Variants in SIN3B observed in about 807,000 individuals in gnomAD.
SIN3B encodes the protein paired amphipathic helix protein Sin3b.
In SIN3B, 19 loss-of-function variants were observed where a neutral mutation model predicts 120.2. The observed-to-expected ratio is 0.16, with a 90% CI of 0.11 to 0.23. The LOEUF is 0.23. Ranked by LOEUF, SIN3B falls within the 10% of genes least tolerant of loss-of-function variation. The pLI is 1.00. For synonymous variants in SIN3B, 654 were observed against 653.2 expected (o/e 1.00, Z -0.02); for missense variants, 1,073 against 1,573.0 (o/e 0.68, Z 5.38).
Position 16,829,559 on chromosome 19 carries a change from C to G in SIN3B, c.120+19C>G. The G allele has an allele frequency of 8.1e-7, 1 of 1,241,220 alleles. No individual in the cohort carries two copies. The highest frequency in any genetic ancestry group is 1.6e-5 in the African/African-American group (1 of 64,514). 76.9% of individuals were successfully genotyped at this position (1,241,220 alleles called of 1,614,324 possible). A position where few individuals can be genotyped will look rare whatever the true frequency, so the allele number is the denominator to read the frequency against. ...GGTGCACGTGAGTGGCGTCCCCGCC[C>G]TCCCTCGGGGAACCCATCTTCTGGA... On this transcript the variant is annotated intron_variant, in intron 1 of 18. Coordinates refer to ENST00000248054, the MANE Select transcript of SIN3B (RefSeq NM_001297595.2).
intron 7 of SIN3B, among the ~76,000 whole-genome samples, chr19:16,853,880 C>G (rs1169346946): frequency 6.6e-6 from 1 of 151,320 alleles, no homozygotes; most frequent in African/African-American, 2.4e-5. Flanking sequence ...TGAATTGCTG[C>G]ATGGATCACG....
intron 16 of SIN3B, 105 bp from the exon 17 acceptor site, chr19:16,877,440 G>C: frequency 3.8e-6 from 3 of 782,456 alleles, no homozygotes; most frequent in South Asian, 1.6e-5. Context: ...CTCTGGCAGT[G>C]GGGGGCACAG....
chr19:16,869,502 G>A lies in SIN3B; in HGVS notation c.1849G>A (p.Glu617Lys). Residue 617 changes from glutamate (E) to lysine (K), a missense_variant, in exon 13 of 19, where the codon GAG becomes AAG. Around this residue, in one of 7 missense-constraint regions of SIN3B, gnomAD observed 169 missense variants for 207.3 expected, o/e 0.82. Transcript: ENST00000248054. The stretch of plus-strand genomic sequence containing the variant: ...GGAGGGCCGCAGTGCCCCCTCTAGC[G>A]AGCCGCACCTCATCTTTGTGTACGA... ...HSEGRSAPSS[E>K]PHLIFVYEDR... 8 of 1,613,232 alleles carry A rather than the reference G, an allele frequency of 5.0e-6. No individual in the cohort carries two copies. The highest frequency in any genetic ancestry group is 2.2e-5 in the East Asian group (1 of 44,862).
chr19:16,863,629 C>T, intron 9 of SIN3B, 51 bp from the exon 10 acceptor site: 1 of 1,184,280 alleles, frequency 8.4e-7, no homozygotes, highest in Non-Finnish European at 1.3e-6. Flanking sequence ...AACAGTAAAT[C>T]TTGGCTCCTG....
At chr19:16,868,346 G>A (rs1971807243) in intron 12 of SIN3B, among the ~76,000 whole-genome samples, 1 of 152,132 alleles carries the variant, frequency 6.6e-6, no homozygotes, top group Non-Finnish European at 1.5e-5. Flanking sequence ...TAGGAGACCC[G>A]GTCCTTCCCT....
intron 3 of SIN3B, among the ~76,000 whole-genome samples, chr19:16,836,913 G>A (rs1310085677): frequency 1.3e-5 from 2 of 152,204 alleles, no homozygotes; most frequent in African/African-American, 4.8e-5. Context: ...GGCTCATGGA[G>A]CAGGCGGTGA....
chr19:16,848,970 A>C (rs1568416485), intron 5 of SIN3B, among the ~76,000 whole-genome samples: 1 of 152,220 alleles, frequency 6.6e-6, no homozygotes, highest in Non-Finnish European at 1.5e-5. Flanking sequence ...TATGCAGGGC[A>C]CCCGGCTAGC....
intron 8 of SIN3B, among the ~76,000 whole-genome samples, chr19:16,858,874 C>G (rs1971650527): frequency 6.6e-6 from 1 of 152,132 alleles, no homozygotes. Flanking sequence ...TGATTGAACC[C>G]AGGAAGCAGA....
intron 8 of SIN3B, among the ~76,000 whole-genome samples, chr19:16,859,790 C>T (rs906164553): frequency 2.0e-5 from 3 of 152,170 alleles, no homozygotes; most frequent in Non-Finnish European, 2.9e-5. Context: ...GAATCCAGCA[C>T]TCTCTGAGCC....
At position 16,838,970 on chromosome 19, in the gene SIN3B, CTTTT is replaced by C. The variant is rs34648986; in HGVS notation, c.382-2781_382-2778del. ...TACAGGTTCCAGCCACCGCGCCTGG[CTTTT>C]TTTTTTTTTTTTTTTTGAGATGGGG... On this transcript the variant is annotated intron_variant, in intron 3 of 18. Transcript: ENST00000248054. 2.1e-4 allele frequency among the ~76,000 whole-genome samples: 18 copies of C among 86,590 alleles called. No homozygotes were observed. The East Asian group carries it at 4.2e-3, about 20-fold the overall frequency. 56.8% of individuals were successfully genotyped at this position (86,590 alleles called of 152,430 possible). A position where few individuals can be genotyped will look rare whatever the true frequency, so the allele number is the denominator to read the frequency against.
chr19:16,871,313 A>T lies in SIN3B; in HGVS notation c.2507A>T (p.Tyr836Phe), dbSNP rs1256177669. 6 of 1,614,140 alleles carry T rather than the reference A, an allele frequency of 3.7e-6. No homozygotes were observed. Among genetic ancestry groups the T allele is most frequent in the Non-Finnish European group, 5.1e-6 (6 of 1,179,996 alleles). The change falls in exon 14 of 19, where the codon TAC becomes TTC. Residue 836 changes from tyrosine (Y) to phenylalanine (F), a missense_variant. Transcript: ENST00000248054. Reference sequence around the variant, plus strand: ...GAGGGCAGCATCGACCCCACGCAGTACGAGGACACCCTACGCGAGATGTTC... The same window carrying T: ...GAGGGCAGCATCGACCCCACGCAGTTCGAGGACACCCTACGCGAGATGTTC... ...LLEGSIDPTQ[Y>F]EDTLREMFTI...
At position 16,841,935 on chromosome 19, in the gene SIN3B, C is replaced by T. The variant is rs765414226; in HGVS notation, c.549C>T (p.Tyr183=). The change falls in exon 4 of 19, where the codon TAC becomes TAT. Residue 183 remains tyrosine (Y), a synonymous_variant. Transcript: ENST00000248054. The part of the protein sequence containing the change: ...KTRFLDHPEI[Y]RSFLEILHTY... ...GCTTCCTAGACCACCCAGAAATCTA[C>T]AGGTCATTCCTGGAGATCCTGCACA... is the stretch of plus-strand genomic sequence containing the variant. 5 of 1,613,952 alleles carry T rather than the reference C, an allele frequency of 3.1e-6. No individual in the cohort carries two copies. In the African/African-American group the frequency reaches 5.3e-5, roughly 17 times the overall value.
In SIN3B at chr19:16,878,196, T is replaced by C; in HGVS notation, c.2968T>C (p.Phe990Leu). Reference sequence around the variant, plus strand: ...TTTCGCCCCCAGGAACCTCAAGAAGTTCCGCCGCCGGTGGCAGAGCGAGCA... The same window carrying C: ...TTTCGCCCCCAGGAACCTCAAGAAGCTCCGCCGCCGGTGGCAGAGCGAGCA... The part of the protein sequence containing the change: ...PVFLQRNLKK[F>L]RRRWQSEQAR... Residue 990 changes from phenylalanine to leucine, a missense_variant, in exon 18 of 19, where the codon TTC becomes CTC. By Grantham distance (22) the Phe-to-Leu change is conservative. Transcript: ENST00000248054. 5 of 1,575,138 alleles carry C rather than the reference T, an allele frequency of 3.2e-6. No individual in the cohort carries two copies. The highest frequency in any genetic ancestry group is 4.3e-6 in the Non-Finnish European group (5 of 1,158,194).
intron 3 of SIN3B, among the ~76,000 whole-genome samples, chr19:16,836,587 G>A (rs535474393): frequency 2.0e-5 from 3 of 152,348 alleles, no homozygotes; most frequent in African/African-American, 4.8e-5. Context: ...GAGTCCTTAA[G>A]ATGAGGTGGG....
chr19:16,856,417 G>A (rs1342609631), intron 8 of SIN3B, among the ~76,000 whole-genome samples: 1 of 152,122 alleles, frequency 6.6e-6, no homozygotes, highest in East Asian at 1.9e-4. Flanking sequence ...GGGTTCCTGA[G>A]AGCTGCAGGT....
rs779393264 is a variant in SIN3B at position 16,876,152 on chromosome 19, G to A, written c.2690G>A (p.Arg897His). The A allele has an allele frequency of 1.2e-5, 19 of 1,612,302 alleles. No individual in the cohort carries two copies. Among genetic ancestry groups the A allele is most frequent in the East Asian group, 4.5e-5 (2 of 44,856 alleles). Reference sequence around the variant, plus strand: ...GCCGCTGGTGGGAACCTGTCCTCCCGCTGCGTCCGCGCTGCTAGGGAGACC... The same window carrying A: ...GCCGCTGGTGGGAACCTGTCCTCCCACTGCGTCCGCGCTGCTAGGGAGACC... ...RGAAGGNLSS[R>H]CVRAARETSY... is the part of the protein sequence containing the mutation. Residue 897 changes from arginine (R) to histidine (H), a missense_variant, in exon 15 of 19, where the codon CGC becomes CAC. Physicochemically the swap from Arg to His is conservative, Grantham distance 29 (BLOSUM62 0). Transcript: ENST00000248054. This position sits in a 1 kb window ranked among gnomAD's most constrained non-coding sequence, Gnocchi z 7.1.
chr19:16,875,826 T>G (rs1192926580), intron 14 of SIN3B: 20 of 557,676 alleles, frequency 3.6e-5, no homozygotes, highest in Non-Finnish European at 6.3e-5. Context: ...GTCTGGTCTG[T>G]TTGGTTTGGT....
Position 16,869,782 on chromosome 19 carries a change from C to A in SIN3B, c.2129C>A (p.Pro710Gln), listed in dbSNP as rs1259930531. The A allele has an allele frequency of 4.3e-6, 7 of 1,613,504 alleles. No homozygotes were observed. In the Admixed American group the frequency reaches 1.2e-4, roughly 27 times the overall value. ...GCGCCAGGACCCCACAGTAGCCCCC[C>A]AGAGGAGAAGGGGGCCTTCGGGGAT... Reference protein sequence around the residue: ...KPAPGPHSSPPEEKGAFGDAP... With the variant: ...KPAPGPHSSPQEEKGAFGDAP... Residue 710 changes from proline to glutamine, a missense_variant, in exon 13 of 19, where the codon CCA (proline) becomes CAA (glutamine). This residue lies in a region of SIN3B where 169 missense variants were observed against 207.3 expected (regional missense o/e 0.82). Transcript: ENST00000248054.
chr19:16,870,082 C>T lies in SIN3B; in HGVS notation c.2422+7C>T, dbSNP rs749970102. The T allele has an allele frequency of 7.0e-6, 11 of 1,579,372 alleles. No homozygotes were observed. Among genetic ancestry groups the T allele is most frequent in the Admixed American group, 1.8e-5 (1 of 56,420 alleles). On this transcript the variant is annotated splice_region_variant and intron_variant, in intron 13 of 18. Coordinates refer to ENST00000248054, the MANE Select transcript of SIN3B (RefSeq NM_001297595.2). ...CTGCGGCTGAAGCAGCCCAGTAAGG[C>T]TCCAAAGCCTGCCGGGAGGCCCCGG...
Sources: allele counts gnomAD v4.1 joint callset (sites outside exome capture counted in the v4.1 genomes callset), GRCh38; gene constraint gnomAD v4.1.1; regional missense constraint gnomAD v4.1.1; non-coding constraint Gnocchi (gnomAD v3.1); transcripts MANE v1.5; gene names NCBI Gene and HGNC (gene_info 2026-07-23, HGNC 2026-07-21).